SORCS2: variants seen among roughly 807,000 people sequenced by gnomAD.
SORCS2 encodes sortilin related VPS10 domain containing receptor 2.
Under a neutral mutation model 141.6 loss-of-function variants are expected in SORCS2, and 100 were observed. That is an observed-to-expected ratio of 0.71 (90% confidence interval 0.60 to 0.83). The LOEUF is 0.83. Among genes scored for constraint, SORCS2 ranks in the 40% least tolerant of loss-of-function variants. The pLI, the probability that SORCS2 is intolerant of heterozygous loss-of-function variation, is 0.00. For missense variants in SORCS2, 1,646 were observed against 1,560.2 expected (o/e 1.05, Z -0.93); for synonymous variants, 789 against 676.9 (o/e 1.17, Z -2.57).
chr4:7,317,461 A>C (rs1170772796), intron 1 of SORCS2, among the ~76,000 whole-genome samples: 1 of 152,138 alleles, frequency 6.6e-6, no homozygotes, highest in African/African-American at 2.4e-5. Flanking sequence ...AGGCATGTCC[A>C]ATCTGGGCCC....
At chr4:7,629,334 A>G (rs964756749) in intron 3 of SORCS2, among the ~76,000 whole-genome samples, 1 of 152,178 alleles carries the variant, frequency 6.6e-6, no homozygotes, top group East Asian at 1.9e-4. Flanking sequence ...CCGGAGCCAG[A>G]ACATAGAGTG....
intron 1 of SORCS2, among the ~76,000 whole-genome samples, chr4:7,315,415 A>G (rs1718491107): frequency 6.6e-6 from 1 of 152,274 alleles, no homozygotes; most frequent in Non-Finnish European, 1.5e-5. Context: ...ATGGCCAGGC[A>G]GCATGGCCTG....
At position 7,386,190 on chromosome 4, in the gene SORCS2, C is replaced by CACACAT. The variant is rs560034497; in HGVS notation, c.481-10091_481-10086dup. ...ACACATGCGCACGCACACACATGCA[C>CACACAT]ACACATACACATTTGCACACACGCA... On this transcript the variant is annotated intron_variant, in intron 1 of 26. Transcript: ENST00000507866. 4.4e-4 allele frequency among the ~76,000 whole-genome samples: 61 copies of CACACAT among 138,092 alleles called. No homozygotes were observed. The East Asian group carries it at 0.012, about 27-fold the overall frequency. 90.6% of individuals were successfully genotyped at this position (138,092 alleles called of 152,430 possible).
intron 3 of SORCS2, among the ~76,000 whole-genome samples, chr4:7,605,425 C>T (rs1342517922): frequency 6.6e-6 from 1 of 152,130 alleles, no homozygotes; most frequent in Non-Finnish European, 1.5e-5. Context: ...TGTTGGGGGG[C>T]ACCTGCCACC....
chr4:7,433,374 C>T lies in SORCS2; in HGVS notation c.548+37019C>T, dbSNP rs373713228. 8.8e-6 allele frequency: 13 copies of T among 1,471,196 alleles called. No individual in the cohort carries two copies. The African/African-American group carries it at 1.7e-4, about 19-fold the overall frequency. The allele number at this position is 1,471,196 out of a possible 1,614,324, so 91.1% of individuals were successfully genotyped here. ...TCCATACATGCTTCTGGCAGTGTTG[C>T]ACAGCGTTGCACAGCTTGGCGGCCT... On this transcript the variant is annotated intron_variant, in intron 2 of 26. Coordinates refer to ENST00000507866, the MANE Select transcript of SORCS2 (RefSeq NM_020777.3).
chr4:7,625,667 C>A (rs73218617), intron 3 of SORCS2, among the ~76,000 whole-genome samples: 2 of 146,874 alleles, frequency 1.4e-5, no homozygotes, highest in Non-Finnish European at 3.1e-5. Flanking sequence ...CCCTTACAGT[C>A]ACTCCCCAGT....
intron 2 of SORCS2, among the ~76,000 whole-genome samples, chr4:7,455,806 G>A (rs986702228): frequency 6.6e-6 from 1 of 152,172 alleles, no homozygotes; most frequent in Admixed American, 6.5e-5. Flanking sequence ...CGCAGTGTTA[G>A]GGTCAGGCTC....
chr4:7,364,364 C>T (rs1326375660), intron 1 of SORCS2, among the ~76,000 whole-genome samples: 1 of 152,224 alleles, frequency 6.6e-6, no homozygotes, highest in Non-Finnish European at 1.5e-5. Context: ...ACATCTTGCT[C>T]TTGTTTCTCT....
At chr4:7,309,331 A>T (rs915184227) in intron 1 of SORCS2, among the ~76,000 whole-genome samples, 2 of 152,172 alleles carry the variant, frequency 1.3e-5, no homozygotes, top group Non-Finnish European at 2.9e-5. Context: ...CGCAGGACTC[A>T]GGGACCCAGA....
At chr4:7,599,936 G>A (rs140897900) in intron 3 of SORCS2, among the ~76,000 whole-genome samples, 4,645 of 151,478 alleles carry the variant, frequency 0.031, 235 homozygotes, top group African/African-American at 0.1. Flanking sequence ...CAATTCTCAC[G>A]CCTCAGCCTC....
chr4:7,597,638 G>A (rs1717369025), intron 3 of SORCS2, among the ~76,000 whole-genome samples: 1 of 149,626 alleles, frequency 6.7e-6, no homozygotes, highest in Non-Finnish European at 1.5e-5. Flanking sequence ...AAAGGGAAGG[G>A]GGCTATTGTA....
At chr4:7,545,153 A>G (rs965963463) in intron 3 of SORCS2, among the ~76,000 whole-genome samples, 5 of 152,280 alleles carry the variant, frequency 3.3e-5, no homozygotes, top group African/African-American at 1.2e-4. Flanking sequence ...GAAAAAAAAA[A>G]AAAAACTCGA....
At chr4:7,529,432 G>A (rs1733885569) in intron 2 of SORCS2, among the ~76,000 whole-genome samples, 1 of 152,168 alleles carries the variant, frequency 6.6e-6, no homozygotes, top group African/African-American at 2.4e-5. Flanking sequence ...CAGGGGCTTT[G>A]CTCATGGGCT....
chr4:7,645,379 C>T (rs1162996874), intron 4 of SORCS2, among the ~76,000 whole-genome samples: 1 of 152,182 alleles, frequency 6.6e-6, no homozygotes, highest in Non-Finnish European at 1.5e-5. Flanking sequence ...CCTTGAGTAA[C>T]TTACCTAACC....
At chr4:7,487,752 TC>T (rs1731080237) in intron 2 of SORCS2, among the ~76,000 whole-genome samples, 1 of 152,102 alleles carries the variant, frequency 6.6e-6, no homozygotes, top group Non-Finnish European at 1.5e-5. Context: ...TGCCTGGCCA[TC>T]CTCTTCTCTG....
chr4:7,366,621 C>G (rs921903670), intron 1 of SORCS2, among the ~76,000 whole-genome samples: 13 of 152,054 alleles, frequency 8.5e-5, no homozygotes, highest in Non-Finnish European at 1.9e-4. Context: ...ACCTCCTCCT[C>G]CAGCCTCCCA....
intron 2 of SORCS2, among the ~76,000 whole-genome samples, chr4:7,424,605 G>A (rs1476913815): frequency 6.6e-6 from 1 of 152,194 alleles, no homozygotes; most frequent in African/African-American, 2.4e-5. Context: ...CCTCATGGTG[G>A]CAGGAGCGCC....
At chr4:7,713,453 G>A (rs959917587) in intron 15 of SORCS2, among the ~76,000 whole-genome samples, 6 of 152,124 alleles carry the variant, frequency 3.9e-5, no homozygotes, top group African/African-American at 7.2e-5. Flanking sequence ...GTTAAAGCGC[G>A]GGGTGGAAGA....
At chr4:7,479,378 C>G (rs1175443284) in intron 2 of SORCS2, among the ~76,000 whole-genome samples, 1 of 152,136 alleles carries the variant, frequency 6.6e-6, no homozygotes, top group East Asian at 1.9e-4. Flanking sequence ...CAAGCTGAGA[C>G]CACGTGCCCT....
Sources: allele counts gnomAD v4.1 joint callset (sites outside exome capture counted in the v4.1 genomes callset), GRCh38; gene constraint gnomAD v4.1.1; transcripts MANE v1.5; gene names NCBI Gene and HGNC (gene_info 2026-07-23, HGNC 2026-07-21).